The following TACC3 variants were observed in gnomAD, a reference collection of about 807,000 sequenced individuals.
The protein encoded by TACC3 is transforming acidic coiled-coil-containing protein 3.
Under a neutral mutation model 86.0 loss-of-function variants are expected in TACC3, and 52 were observed. That is an observed-to-expected ratio of 0.60 (90% CI 0.48 to 0.76). The LOEUF (loss-of-function observed/expected upper bound fraction) is 0.76. Among genes scored for constraint, TACC3 ranks in the 30% least tolerant of loss-of-function variants. TACC3 has a pLI of 0.00. For synonymous variants in TACC3, 512 were observed against 430.0 expected, an observed-to-expected ratio of 1.19 and a Z score of -2.36; for missense variants, 1,120 against 1,070.4, an observed-to-expected ratio of 1.05 and a Z score of -0.65.
At position 1,737,603 on chromosome 4, in the gene TACC3, A is replaced by G. The variant is rs1718344384; in HGVS notation, c.1842A>G (p.Pro614=). 6.6e-7 allele frequency: 1 copy of G among 1,509,910 alleles called. No homozygotes were observed. The highest frequency in any genetic ancestry group is 2.5e-5 in the East Asian group (1 of 40,492). The allele number at this position is 1,509,910 out of a possible 1,614,324, so 93.5% of individuals were successfully genotyped here. ...TTCATCCCCATCTCCCGCAGGTGCC[A>G]GGCCCACCCCCAGGTGTTCCCGCGC... The part of the protein sequence containing the change: ...DFLGALDIPV[P]GPPPGVPAPG... The change falls in exon 10 of 16, where the codon CCA becomes CCG. Residue 614 remains proline, a synonymous_variant. Coordinates refer to ENST00000313288, the MANE Select transcript of TACC3 (RefSeq NM_006342.3).
intron 5 of TACC3, 42 bp downstream of exon 5, chr4:1,731,004 C>G (rs750205554): frequency 1.9e-6 from 3 of 1,610,236 alleles, no homozygotes; most frequent in Non-Finnish European, 2.5e-6. Context: ...CTGGCCTGGT[C>G]GTGTAGAAGA....
At position 1,728,125 on chromosome 4, in the gene TACC3, C is replaced by A; in HGVS notation, c.723C>A (p.Val241=). 1 of 1,612,172 alleles carries A rather than the reference C, an allele frequency of 6.2e-7. No homozygotes were observed. Among genetic ancestry groups the A allele is most frequent in the Non-Finnish European group, 8.5e-7 (1 of 1,179,676 alleles). The change falls in exon 4 of 16, where the codon GTC becomes GTA. Residue 241 remains valine, a synonymous_variant. Transcript: ENST00000313288. ...AGGAGGAATGCCGGCACGGTGGGGT[C>A]TGTGCTCCCGCAGCAGTGGCCACTT... The part of the protein sequence containing the change: ...GAEEECRHGG[V]CAPAAVATSP...
In TACC3 at chr4:1,723,478, T is replaced by C; in HGVS notation, c.57T>C (p.Asn19=). The C allele has an allele frequency of 6.2e-7, 1 of 1,613,626 alleles. No homozygotes were observed. Among genetic ancestry groups the C allele is most frequent in the Non-Finnish European group, 8.5e-7 (1 of 1,179,980 alleles). ...TCAGCAATGAAAAAAATACAGAAAATTGCGACTTCCTGTTTTCGCCACCAG... is the reference window on the plus strand; with the variant it reads ...TCAGCAATGAAAAAAATACAGAAAACTGCGACTTCCTGTTTTCGCCACCAG... ...KNVSNEKNTE[N]CDFLFSPPEV... is the part of the protein sequence containing the mutation. Residue 19 remains asparagine, a synonymous_variant, in exon 2 of 16, where the codon AAT becomes AAC. Coordinates refer to ENST00000313288, the MANE Select transcript of TACC3 (RefSeq NM_006342.3).
chr4:1,739,995 G>A lies in TACC3; in HGVS notation c.2055G>A (p.Gln685=). The A allele has an allele frequency of 6.2e-7, 1 of 1,613,026 alleles. No homozygotes were observed. The highest frequency in any genetic ancestry group is 8.5e-7 in the Non-Finnish European group (1 of 1,179,988). The change falls in exon 12 of 16, where the codon CAG becomes CAA. Residue 685 remains glutamine (Q), a synonymous_variant. Transcript: ENST00000313288. ...ACAGGTTCGAAGAGGTTGTGTACCA[G>A]GCCATGGGTGAGTGCCCGGGCCACC... ...IMDRFEEVVY[Q]AMEEVQKQKE...
intron 1 of TACC3, chr4:1,723,064 G>C (rs1440275642): frequency 5.1e-6 from 1 of 195,488 alleles, no homozygotes; most frequent in Non-Finnish European, 1.1e-5. Context: ...TATTGGCCCG[G>C]GCTTTTCCGT....
At position 1,744,608 on chromosome 4, in the gene TACC3, G is replaced by T; in HGVS notation, c.2314G>T (p.Glu772Ter). Residue 772 changes from glutamate (E) to a stop codon, truncating the protein, a stop_gained, in exon 14 of 16, where the codon GAG becomes TAG. Transcript: ENST00000313288. LOFTEE classifies it high-confidence loss of function. ...GTACCAAGCCCTGAAGGCCCACGCG[G>T]AGGAGAAGCTGCAGCTGTGAGTGCT... ...QRYQALKAHA[E>*]EKLQLANEEI... 6.2e-7 allele frequency: 1 copy of T among 1,613,134 alleles called. No individual in the cohort carries two copies. The highest frequency in any genetic ancestry group is 8.5e-7 in the Non-Finnish European group (1 of 1,179,980).
At chr4:1,736,085 A>G (rs920696672) in intron 8 of TACC3, among the ~76,000 whole-genome samples, 3 of 152,244 alleles carry the variant, frequency 2.0e-5, no homozygotes, top group Non-Finnish European at 4.4e-5. Flanking sequence ...TTCTAGGTAT[A>G]TTAAAGATCT....
intron 3 of TACC3, among the ~76,000 whole-genome samples, chr4:1,726,029 A>G (rs2108684941): frequency 6.6e-6 from 1 of 152,356 alleles, no homozygotes; most frequent in Admixed American, 6.5e-5. Context: ...AGGCACTGGC[A>G]CATGACCCTG....
chr4:1,722,533 A>G (rs2592827), intron 1 of TACC3, among the ~76,000 whole-genome samples: 27,617 of 151,974 alleles, frequency 0.18, 2,758 homozygotes, highest in African/African-American at 0.2. Flanking sequence ...GGGCTTCTCA[A>G]GCTGCAGCAC....
intron 3 of TACC3, among the ~76,000 whole-genome samples, chr4:1,726,706 G>C (rs957951484): frequency 7.2e-5 from 11 of 152,242 alleles, no homozygotes; most frequent in African/African-American, 2.7e-4. Flanking sequence ...AGGCCACACA[G>C]AGGACTGGGG....
Position 1,723,793 on chromosome 4 carries a change from C to T in TACC3, c.228C>T (p.Ser76=). ...THRILSPSMA[S]KLEAPFTQDD... Reference sequence around the variant, plus strand: ...GGATTCTAAGTCCTAGCATGGCCAGCAAACTTGAGGCTCCTTTCACTCAGG... The same window carrying T: ...GGATTCTAAGTCCTAGCATGGCCAGTAAACTTGAGGCTCCTTTCACTCAGG... The change falls in exon 3 of 16, where the codon AGC becomes AGT. Residue 76 remains serine (S), a synonymous_variant. Transcript: ENST00000313288. The T allele has an allele frequency of 5.6e-6, 9 of 1,613,836 alleles. No individual in the cohort carries two copies. Among genetic ancestry groups the T allele is most frequent in the Non-Finnish European group, 7.6e-6 (9 of 1,180,002 alleles).
intron 1 of TACC3, among the ~76,000 whole-genome samples, chr4:1,722,670 A>T (rs192931391): frequency 6.6e-6 from 1 of 152,124 alleles, no homozygotes; most frequent in East Asian, 1.9e-4. Context: ...CCTGGTCGAC[A>T]CTCGGTTCTC....
At position 1,728,598 on chromosome 4, in the gene TACC3, C is replaced by T. The variant is rs1387632927; in HGVS notation, c.1196C>T (p.Ser399Phe). ...GAGEDPPMPASRGSYHLDWDK... is the reference protein window; with the variant it reads ...GAGEDPPMPAFRGSYHLDWDK... ...GGAGAGGACCCCCCCATGCCAGCTT[C>T]TCGGGGCTCTTACCACCTCGACTGG... Residue 399 changes from serine (S) to phenylalanine (F), a missense_variant, in exon 4 of 16, where the codon TCT becomes TTT. Transcript: ENST00000313288. 1.2e-6 allele frequency: 2 copies of T among 1,613,970 alleles called. No homozygotes were observed. Among genetic ancestry groups the T allele is most frequent in the Non-Finnish European group, 1.7e-6 (2 of 1,179,994 alleles).
At chr4:1,733,925 C>T (rs961291762) in intron 6 of TACC3, among the ~76,000 whole-genome samples, 22 of 151,092 alleles carry the variant, frequency 1.5e-4, no homozygotes, top group African/African-American at 5.4e-4. Context: ...TTGCAGTGAG[C>T]CGAGATGGCG....
intron 15 of TACC3, 57 bp downstream of exon 15, chr4:1,744,889 T>C: frequency 6.2e-7 from 1 of 1,612,136 alleles, no homozygotes; most frequent in Non-Finnish European, 8.5e-7. Flanking sequence ...TAGAAGGCCC[T>C]TGGGCCTGCT....
chr4:1,728,939 C>A, intron 4 of TACC3, 152 bp downstream of exon 4: 2 of 785,534 alleles, frequency 2.5e-6, no homozygotes, highest in Non-Finnish European at 2.0e-6. Context: ...AAACAGGGCT[C>A]AGGTGGCTCC....
chr4:1,739,891 C>A (rs1024137932), intron 11 of TACC3, 68 bp from the exon 12 acceptor site: 1 of 1,605,474 alleles, frequency 6.2e-7, no homozygotes, highest in Non-Finnish European at 8.5e-7. Flanking sequence ...TCCCCGTCCC[C>A]ATCCCCACCT....
intron 10 of TACC3, 87 bp from the exon 11 acceptor site, chr4:1,739,615 G>C (rs907152407): frequency 4.8e-6 from 6 of 1,258,406 alleles, no homozygotes; most frequent in Non-Finnish European, 5.6e-6. Flanking sequence ...CAGGGACCTC[G>C]GGTGCGGGCT....
At chr4:1,739,906 T>C in intron 11 of TACC3, 53 bp from the exon 12 acceptor site, 1 of 1,598,540 alleles carries the variant, frequency 6.3e-7, no homozygotes, top group Non-Finnish European at 8.5e-7. Context: ...CCACCTGGCC[T>C]GGGACCGCTG....
Sources: allele counts gnomAD v4.1 joint callset (sites outside exome capture counted in the v4.1 genomes callset), GRCh38; gene constraint gnomAD v4.1.1; transcripts MANE v1.5; gene names NCBI Gene and HGNC (gene_info 2026-07-23, HGNC 2026-07-21).